Variants in KLK4 observed in about 807,000 individuals in gnomAD.
The protein encoded by KLK4 is kallikrein related peptidase 4.
KLK4 carries 24 observed loss-of-function variants against 24.3 expected under a neutral mutation model. The observed-to-expected ratio is 0.99, with a 90% confidence interval of 0.72 to 1.39. KLK4 has a LOEUF of 1.39. Ranked by LOEUF, KLK4 falls within the 40% of genes most tolerant of loss-of-function variation. The pLI, the probability that KLK4 is intolerant of heterozygous loss-of-function variation, is 0.00. For missense variants in KLK4, 344 were observed against 327.4 expected, an observed-to-expected ratio of 1.05 and a Z score of -0.39; for synonymous variants, 142 against 138.8, an observed-to-expected ratio of 1.02 and a Z score of -0.16.
At chr19:50,907,404 CTTTTTTTTTTT>C (rs147857832) in intron 5 of KLK4, among the ~76,000 whole-genome samples, 14 of 110,726 alleles carry the variant, frequency 1.3e-4, no homozygotes, top group Non-Finnish European at 2.6e-4. Flanking sequence ...TTTGTAAAGT[CTTTTTTTTTTT>C]TTTTTTTTTG....
At chr19:50,908,318 C>G in intron 5 of KLK4, 41 bp downstream of exon 5, 1 of 1,608,192 alleles carries the variant, frequency 6.2e-7, no homozygotes, top group South Asian at 1.1e-5. Context: ...CCTTCTCCAC[C>G]CTTCCCTGAG....
At chr19:50,907,740 C>T (rs527979739) in intron 5 of KLK4, among the ~76,000 whole-genome samples, 1 of 152,254 alleles carries the variant, frequency 6.6e-6, no homozygotes, top group African/African-American at 2.4e-5. Flanking sequence ...TGTTTCTCTT[C>T]GTGTTTCACC....
exon 5 of KLK4, chr19:50,908,489 A>T: frequency 1.2e-6 from 2 of 1,614,192 alleles, no homozygotes; most frequent in Non-Finnish European, 1.7e-6. Flanking sequence ...CACGGTAGGC[A>T]TTCTGCCTGG....
intron 2 of KLK4, 103 bp from the exon 3 acceptor site, chr19:50,909,517 C>G: frequency 8.1e-7 from 1 of 1,235,826 alleles, no homozygotes; most frequent in South Asian, 1.3e-5. Flanking sequence ...CAGGAGCAGT[C>G]AGGGCTCCTC....
chr19:50,908,359 G>A, exon 5 of KLK4: 9 of 1,612,720 alleles, frequency 5.6e-6, no homozygotes, highest in African/African-American at 2.7e-5. Flanking sequence ...CCTCTCTCAC[G>A]TTGCAGGAGT....
At chr19:50,906,547 C>T (rs1654556) in exon 6 of KLK4, 198,034 of 237,110 alleles carry the variant, frequency 0.84, 85,821 homozygotes, top group African/African-American at 0.94. Flanking sequence ...GGTTGGGGGC[C>T]TGGACCTCTG....
At chr19:50,908,204 TA>T in intron 5 of KLK4, 154 bp downstream of exon 5, 1 of 903,766 alleles carries the variant, frequency 1.1e-6, no homozygotes, top group Non-Finnish European at 1.8e-6. Flanking sequence ...TTCCTGTGTT[TA>T]TTTCTCTGTT....
chr19:50,909,332 C>G, exon 3 of KLK4: 2 of 1,614,236 alleles, frequency 1.2e-6, no homozygotes, highest in Non-Finnish European at 1.7e-6. Context: ...TTTCCATGAC[C>G]AGTGCCGCCT....
At chr19:50,908,724 T>C in exon 4 of KLK4, 1 of 1,614,080 alleles carries the variant, frequency 6.2e-7, no homozygotes, top group Non-Finnish European at 8.5e-7. Flanking sequence ...CGAGCAAGGG[T>C]CTGTTGTACT....
At chr19:50,908,217 C>A in intron 5 of KLK4, 142 bp downstream of exon 5, 1 of 976,296 alleles carries the variant, frequency 1.0e-6, no homozygotes, top group South Asian at 1.3e-5. Context: ...TTCTCTGTTT[C>A]TCTCAGTTTC....
chr19:50,907,056 C>G (rs747268930), exon 6 of KLK4: 4 of 1,614,028 alleles, frequency 2.5e-6, no homozygotes, highest in Non-Finnish European at 3.4e-6. Context: ...TGCAAGTACC[C>G]GTTGCAGATC....
At chr19:50,908,210 T>C in intron 5 of KLK4, 149 bp downstream of exon 5, 2 of 942,880 alleles carry the variant, frequency 2.1e-6, no homozygotes, top group Non-Finnish European at 3.3e-6. Context: ...TGTTTATTTC[T>C]CTGTTTCTCT....
intron 2 of KLK4, 82 bp from the exon 3 acceptor site, chr19:50,909,496 G>T: frequency 6.9e-7 from 1 of 1,459,838 alleles, no homozygotes; most frequent in Non-Finnish European, 9.5e-7. Context: ...GCAGGGGCGT[G>T]GTCAGAGGTT....
exon 5 of KLK4, chr19:50,908,472 A>G: frequency 6.8e-6 from 11 of 1,614,110 alleles, no homozygotes; most frequent in Non-Finnish European, 9.3e-6. Context: ...ACGTTCACGC[A>G]CTGCAGCACG....
exon 4 of KLK4, chr19:50,908,784 T>G: frequency 6.2e-7 from 1 of 1,613,672 alleles, no homozygotes; most frequent in Non-Finnish European, 8.5e-7. Context: ...TCCCTGGCTC[T>G]TGGTCGGCCT....
chr19:50,909,498 T>A, intron 2 of KLK4, 84 bp from the exon 3 acceptor site: 1 of 1,438,732 alleles, frequency 7.0e-7, no homozygotes, highest in Admixed American at 1.7e-5. Context: ...AGGGGCGTGG[T>A]CAGAGGTTCA....
intron 5 of KLK4, chr19:50,907,889 T>G: frequency 4.1e-6 from 1 of 242,440 alleles, no homozygotes; most frequent in Non-Finnish European, 8.1e-6. Flanking sequence ...TTGCAACAAT[T>G]TAAAAAAATT....
chr19:50,911,040 T>C (rs1401913595), intron 1 of KLK4, among the ~76,000 whole-genome samples: 1 of 152,094 alleles, frequency 6.6e-6, no homozygotes, highest in East Asian at 1.9e-4. Flanking sequence ...AGATGGTGTC[T>C]AGCCACCCAC....
chr19:50,908,887 C>T, intron 3 of KLK4, 58 bp from the exon 4 acceptor site: 1 of 1,598,768 alleles, frequency 6.3e-7, no homozygotes. Context: ...CCTCCATTCT[C>T]ATCTTCAACC....
Sources: gnomAD v4.1 joint callset for allele counts (sites outside exome capture counted in the v4.1 genomes callset) on GRCh38, gnomAD v4.1.1 for gene constraint, MANE v1.5 for transcripts, NCBI Gene and HGNC (gene_info 2026-07-23, HGNC 2026-07-21) for gene names.